Variants in CACNB2 observed in about 807,000 individuals in gnomAD.
CACNB2 encodes calcium voltage-gated channel auxiliary subunit beta 2, also known as voltage-dependent L-type calcium channel subunit beta-2.
Under a neutral mutation model 73.3 loss-of-function variants are expected in CACNB2, and 42 were observed. The ratio of observed to expected loss-of-function variants is 0.57; its 90% confidence interval spans 0.45 to 0.74. The LOEUF is 0.74. Ranked by LOEUF, CACNB2 falls within the 30% of genes least tolerant of loss-of-function variation. CACNB2 has a pLI of 0.00. For synonymous variants in CACNB2, 348 were observed against 310.3 expected (o/e 1.12, Z -1.28); for missense variants, 940 against 853.0 (o/e 1.10, Z -1.27).
At chr10:18,464,936 G>A (rs1392489340) in intron 3 of CACNB2, among the ~76,000 whole-genome samples, 2 of 152,228 alleles carry the variant, frequency 1.3e-5, no homozygotes, top group East Asian at 3.8e-4. Flanking sequence ...AACAGAATGG[G>A]GCAGATGGGA....
intron 2 of CACNB2, among the ~76,000 whole-genome samples, chr10:18,385,497 T>C (rs953198652): frequency 5.4e-5 from 8 of 149,492 alleles, no homozygotes; most frequent in African/African-American, 1.7e-4. Context: ...CGTGGTGGTG[T>C]GTGCCTCTAA....
At chr10:18,442,642 T>C (rs1338662293) in intron 3 of CACNB2, among the ~76,000 whole-genome samples, 2 of 150,954 alleles carry the variant, frequency 1.3e-5, no homozygotes, top group Non-Finnish European at 1.5e-5. Flanking sequence ...CTGGCCAACA[T>C]GATGAAACCC....
intron 2 of CACNB2, among the ~76,000 whole-genome samples, chr10:18,248,305 T>C (rs895839514): frequency 3.3e-5 from 5 of 152,206 alleles, no homozygotes; most frequent in Admixed American, 2.6e-4. Flanking sequence ...AAAATTCGTA[T>C]TTCAATTAAT....
intron 3 of CACNB2, among the ~76,000 whole-genome samples, chr10:18,495,582 T>TGTGTGTGTGTGTGTGTGTGTGTGTGTG (rs879828645): frequency 8.9e-5 from 12 of 135,490 alleles, no homozygotes; most frequent in African/African-American, 3.1e-4. Context: ...TGTGTGTGTG[T>TGTGTGTGTGTGTGTGTGTGTGTGTGTG]GTGTGTGTGT....
chr10:18,459,078 C>A (rs1003848190), intron 3 of CACNB2, among the ~76,000 whole-genome samples: 2 of 152,016 alleles, frequency 1.3e-5, no homozygotes, highest in African/African-American at 4.8e-5. Context: ...GATGAACTTT[C>A]ACAAACATTT....
In CACNB2 at chr10:18,323,239, G is replaced by A. The variant is rs537032306; in HGVS notation, c.214-78685G>A. 5.3e-5 allele frequency among the ~76,000 whole-genome samples: 8 copies of A among 152,038 alleles called. No homozygotes were observed. The South Asian group carries it at 1.0e-3, about 20-fold the overall frequency. On this transcript the variant is annotated intron_variant, in intron 2 of 13. Coordinates refer to ENST00000324631, the MANE Select transcript of CACNB2 (RefSeq NM_201596.3). The stretch of plus-strand genomic sequence containing the variant: ...CTCCCAAGGTGCTGTGATTACAGGC[G>A]TGAGCCACTGCTCCTGGCCTCTCCT...
chr10:18,169,316 T>A (rs957343683), intron 2 of CACNB2, among the ~76,000 whole-genome samples: 4 of 152,170 alleles, frequency 2.6e-5, no homozygotes, highest in Admixed American at 6.6e-5. Context: ...AGAATTTACA[T>A]GTTTACCAGA....
intron 2 of CACNB2, among the ~76,000 whole-genome samples, chr10:18,199,531 C>T (rs1395096215): frequency 6.6e-6 from 1 of 151,834 alleles, no homozygotes; most frequent in Non-Finnish European, 1.5e-5. Flanking sequence ...TGAGAGAGAG[C>T]CAGAAGGCTA....
At chr10:18,186,607 C>T (rs1381094514) in intron 2 of CACNB2, among the ~76,000 whole-genome samples, 1 of 151,956 alleles carries the variant, frequency 6.6e-6, no homozygotes, top group Non-Finnish European at 1.5e-5. Flanking sequence ...TCTTACATGT[C>T]CAGAGCAGGA....
Position 18,371,985 on chromosome 10 carries a change from C to G in CACNB2, c.214-29939C>G, listed in dbSNP as rs917425059. Reference sequence around the variant, plus strand: ...TGAGCATTTTTTCATGTGTCTTTTGCCTGCATAAATGTCTTCTTTTGAGAA... The same window carrying G: ...TGAGCATTTTTTCATGTGTCTTTTGGCTGCATAAATGTCTTCTTTTGAGAA... On this transcript the variant is annotated intron_variant, in intron 2 of 13. Transcript: ENST00000324631. Among the ~76,000 whole-genome samples, 6 of 151,902 alleles carry G rather than the reference C, an allele frequency of 3.9e-5. No homozygotes were observed. In the South Asian group the frequency reaches 6.2e-4, roughly 16 times the overall value.
intron 2 of CACNB2, among the ~76,000 whole-genome samples, chr10:18,194,754 C>T (rs1017349127): frequency 6.6e-6 from 1 of 152,206 alleles, no homozygotes; most frequent in Non-Finnish European, 1.5e-5. Flanking sequence ...CTTATCTTTG[C>T]AGGCCTTTTA....
At chr10:18,438,682 G>A (rs985893674) in intron 3 of CACNB2, among the ~76,000 whole-genome samples, 1 of 152,240 alleles carries the variant, frequency 6.6e-6, no homozygotes, top group Non-Finnish European at 1.5e-5. Flanking sequence ...TTCTGTTAGA[G>A]CATTCGGATT....
intron 8 of CACNB2, 52 bp downstream of exon 8, chr10:18,518,468 TG>T (rs1470430962): frequency 1.7e-6 from 2 of 1,199,466 alleles, no homozygotes; most frequent in Non-Finnish European, 2.5e-6. Context: ...AACTTCTTTG[TG>T]ATGCTGCCTC....
chr10:18,176,161 A>T (rs2033577917), intron 2 of CACNB2, among the ~76,000 whole-genome samples: 2 of 152,190 alleles, frequency 1.3e-5, no homozygotes. Flanking sequence ...CTCACCACAC[A>T]ATTGTACCAG....
intron 2 of CACNB2, among the ~76,000 whole-genome samples, chr10:18,163,117 C>G (rs372174870): frequency 1.2e-4 from 18 of 152,208 alleles, no homozygotes; most frequent in African/African-American, 4.3e-4. Context: ...GTTGGAAAAT[C>G]AAGCATCGTA....
intron 2 of CACNB2, among the ~76,000 whole-genome samples, chr10:18,224,485 C>T (rs944076702): frequency 1.3e-5 from 2 of 152,230 alleles, no homozygotes; most frequent in South Asian, 4.1e-4. Context: ...CATTTTGTAG[C>T]TACTTTATAC....
chr10:18,200,090 C>T (rs1326908837), intron 2 of CACNB2, among the ~76,000 whole-genome samples: 1 of 151,902 alleles, frequency 6.6e-6, no homozygotes, highest in African/African-American at 2.4e-5. Context: ...ATCAAACAGA[C>T]ATCCTTGAAC....
intron 2 of CACNB2, among the ~76,000 whole-genome samples, chr10:18,208,424 G>A (rs1307173792): frequency 1.3e-5 from 2 of 152,070 alleles, no homozygotes; most frequent in Non-Finnish European, 2.9e-5. Context: ...ACCAGACTGG[G>A]CAACATAGTG....
At chr10:18,393,106 A>AGCT (rs2043555894) in intron 2 of CACNB2, among the ~76,000 whole-genome samples, 1 of 151,796 alleles carries the variant, frequency 6.6e-6, no homozygotes, top group Admixed American at 6.6e-5. Context: ...CTACTCAGGA[A>AGCT]GCTGAGGCAG....
Sources: allele counts gnomAD v4.1 joint callset (sites outside exome capture counted in the v4.1 genomes callset), GRCh38; gene constraint gnomAD v4.1.1; transcripts MANE v1.5; gene names NCBI Gene and HGNC (gene_info 2026-07-23, HGNC 2026-07-21).